LIMK2: variants seen among roughly 807,000 people sequenced by gnomAD.
LIMK2 encodes LIM domain kinase 2.
LIMK2 carries 35 observed loss-of-function variants against 75.7 expected under a neutral mutation model. The ratio of observed to expected loss-of-function variants is 0.46; its 90% CI spans 0.35 to 0.61. LIMK2 has a LOEUF of 0.61. Among genes scored for constraint, LIMK2 ranks in the 20% least tolerant of loss-of-function variants. The probability of loss-of-function intolerance (pLI) is 0.00; values close to 1 mark genes in which losing one functional copy is unlikely to be tolerated. For synonymous variants in LIMK2, 301 were observed against 319.2 expected (o/e 0.94, Z 0.61); for missense variants, 623 against 831.0 (o/e 0.75, Z 3.08).
intron 15 of LIMK2, chr22:31,277,079 T>A (rs779043397): frequency 1.1e-5 from 17 of 1,613,762 alleles, no homozygotes; most frequent in Non-Finnish European, 1.4e-5. Flanking sequence ...GAGGCCTTCA[T>A]CTCTGGCCTG....
intron 11 of LIMK2, among the ~76,000 whole-genome samples, chr22:31,270,748 A>C (rs1353218826): frequency 6.6e-6 from 1 of 152,244 alleles, no homozygotes; most frequent in Non-Finnish European, 1.5e-5. Flanking sequence ...AAAGTGGCTC[A>C]AGCCAGAGAT....
intron 1 of LIMK2, among the ~76,000 whole-genome samples, chr22:31,225,036 G>A (rs2123774177): frequency 6.6e-6 from 1 of 152,318 alleles, no homozygotes; most frequent in African/African-American, 2.4e-5. Flanking sequence ...GCACATGCAA[G>A]GGATCTGGGT....
chr22:31,269,701 G>A (rs1187411177), intron 11 of LIMK2, among the ~76,000 whole-genome samples: 1 of 151,838 alleles, frequency 6.6e-6, no homozygotes, highest in Non-Finnish European at 1.5e-5. Flanking sequence ...TTGAACCTGG[G>A]AGGCAGAAGT....
chr22:31,278,270 C>T, intron 15 of LIMK2, 27 bp from the exon 16 acceptor site: 3 of 1,595,676 alleles, frequency 1.9e-6, no homozygotes, highest in Non-Finnish European at 2.6e-6. Flanking sequence ...GTTCCACCTG[C>T]CTCTAATTTA....
At chr22:31,215,876 C>G (rs1262693302) in intron 1 of LIMK2, among the ~76,000 whole-genome samples, 1 of 152,158 alleles carries the variant, frequency 6.6e-6, no homozygotes, top group Admixed American at 6.5e-5. Flanking sequence ...TATAGAATTT[C>G]AAAGATGAGG....
Position 31,262,553 on chromosome 22 carries a change from A to T in LIMK2, c.658-42A>T. 1 of 1,568,456 alleles carries T rather than the reference A, an allele frequency of 6.4e-7. No homozygotes were observed. The highest frequency in any genetic ancestry group is 8.7e-7 in the Non-Finnish European group (1 of 1,150,576). Reference sequence around the variant, plus strand: ...CTGGGTTGGCCATGGGTGGCCTGGGATGGGGCAGCCTGTGGGAGCTTTATA... The same window carrying T: ...CTGGGTTGGCCATGGGTGGCCTGGGTTGGGGCAGCCTGTGGGAGCTTTATA... On this transcript the variant is annotated intron_variant, in intron 6 of 15. Transcript: ENST00000331728. The surrounding 1 kb of genome is among the most constrained non-coding windows in gnomAD (Gnocchi z 5.0).
intron 1 of LIMK2, among the ~76,000 whole-genome samples, chr22:31,219,339 T>C (rs895657530): frequency 6.6e-6 from 1 of 152,158 alleles, no homozygotes; most frequent in Non-Finnish European, 1.5e-5. Context: ...AAAGTGAATG[T>C]ATTTTATACC....
chr22:31,271,253 TC>T (rs752566707), intron 12 of LIMK2, 52 bp downstream of exon 12: 5 of 1,516,320 alleles, frequency 3.3e-6, no homozygotes, highest in Non-Finnish European at 4.6e-6. Context: ...CTTCCTGGCT[TC>T]CTTGTCACAA....
chr22:31,263,040 A>AC (rs1261507909), intron 7 of LIMK2, among the ~76,000 whole-genome samples: 2 of 152,238 alleles, frequency 1.3e-5, no homozygotes, highest in Admixed American at 6.5e-5. Context: ...CCTAAGCTGG[A>AC]CAGGAGGCAG....
chr22:31,277,258 T>C, intron 15 of LIMK2: 1 of 1,537,030 alleles, frequency 6.5e-7, no homozygotes. Context: ...GCAGGGCTCC[T>C]CGTGCCCCTG....
rs1018365552 is a variant in LIMK2, at chr22:31,225,776, T to C, written c.73T>C (p.Trp25Arg). 9 of 1,614,018 alleles carry C rather than the reference T, an allele frequency of 5.6e-6. No individual in the cohort carries two copies. The highest frequency in any genetic ancestry group is 7.6e-6 in the Non-Finnish European group (9 of 1,180,012). Residue 25 changes from tryptophan to arginine, a missense_variant, in exon 2 of 16, where the codon TGG (tryptophan) becomes CGG (arginine). Trp to Arg is a moderately radical substitution (Grantham distance 101, BLOSUM62 -3). This residue lies in a region of LIMK2 where 514 missense variants were observed against 661.3 expected (regional missense o/e 0.78). Coordinates refer to ENST00000331728, the MANE Select transcript of LIMK2 (RefSeq NM_005569.4). The stretch of plus-strand genomic sequence containing the variant: ...GGACCACATTGCTCCAAGCCAGATA[T>C]GGTACAGGACTGTCAACGAAACCTG... Reference protein sequence around the residue: ...CGDHIAPSQIWYRTVNETWHG... With the variant: ...CGDHIAPSQIRYRTVNETWHG...
At chr22:31,212,899 G>A (rs2048359589) in intron 1 of LIMK2, among the ~76,000 whole-genome samples, 1 of 152,152 alleles carries the variant, frequency 6.6e-6, no homozygotes. Flanking sequence ...TTTTCTGAGG[G>A]AAATGGAGGA....
At chr22:31,253,690 C>T (rs2048748273) in intron 2 of LIMK2, among the ~76,000 whole-genome samples, 1 of 152,244 alleles carries the variant, frequency 6.6e-6, no homozygotes, top group Admixed American at 6.5e-5. Flanking sequence ...CTTCACATTC[C>T]AGCTCCATCA....
At chr22:31,234,719 CAAAAAA>C (rs35909225) in intron 2 of LIMK2, among the ~76,000 whole-genome samples, 2 of 68,462 alleles carry the variant, frequency 2.9e-5, no homozygotes, top group Admixed American at 1.7e-4. Context: ...GACTCCATCT[CAAAAAA>C]AAAAAAAAAA....
At chr22:31,217,007 A>G (rs1253295087) in intron 1 of LIMK2, among the ~76,000 whole-genome samples, 1 of 152,244 alleles carries the variant, frequency 6.6e-6, no homozygotes, top group Non-Finnish European at 1.5e-5. Context: ...GCCTGGTTTC[A>G]TTAAAGTGTT....
Position 31,242,029 on chromosome 22 carries a change from G to A in LIMK2, c.116+16210G>A, listed in dbSNP as rs577228098. On this transcript the variant is annotated intron_variant, in intron 2 of 15. Coordinates refer to ENST00000331728, the MANE Select transcript of LIMK2 (RefSeq NM_005569.4). The stretch of plus-strand genomic sequence containing the variant: ...CTCTAGCAAGGTATTCAGGAATCCT[G>A]CCTCTACAGTTTAGAGCCTCAAATT... 3.9e-5 allele frequency among the ~76,000 whole-genome samples: 6 copies of A among 152,258 alleles called. No individual in the cohort carries two copies. The East Asian group carries it at 9.6e-4, about 24-fold the overall frequency.
chr22:31,226,492 T>G (rs2048479647), intron 2 of LIMK2, among the ~76,000 whole-genome samples: 2 of 152,220 alleles, frequency 1.3e-5, no homozygotes, highest in African/African-American at 2.4e-5. Context: ...CGTGAACCAC[T>G]GTGCCCAGCC....
chr22:31,255,490 A>T (rs2048769043), intron 2 of LIMK2, among the ~76,000 whole-genome samples: 1 of 152,166 alleles, frequency 6.6e-6, no homozygotes, highest in African/African-American at 2.4e-5. Context: ...CCCAGGAGGA[A>T]TTGGGCACTC....
chr22:31,216,287 G>A (rs2048388234), intron 1 of LIMK2, among the ~76,000 whole-genome samples: 1 of 152,162 alleles, frequency 6.6e-6, no homozygotes, highest in Non-Finnish European at 1.5e-5. Context: ...TTTGGGAGTA[G>A]GAGACAAAAG....
Sources: gnomAD v4.1 joint callset for allele counts (sites outside exome capture counted in the v4.1 genomes callset) on GRCh38, gnomAD v4.1.1 for gene constraint, gnomAD v4.1.1 regional missense constraint, Gnocchi (gnomAD v3.1) non-coding constraint, MANE v1.5 for transcripts, NCBI Gene and HGNC (gene_info 2026-07-23, HGNC 2026-07-21) for gene names.